The following RBM23 variants were observed in gnomAD, a reference collection of about 807,000 sequenced individuals.
RBM23 encodes RNA binding motif protein 23.
RBM23 carries 53 observed loss-of-function variants against 56.2 expected under a neutral mutation model. That is an observed-to-expected ratio of 0.94 (90% CI 0.76 to 1.19). The LOEUF (loss-of-function observed/expected upper bound fraction) is 1.19, where lower values mean the gene tolerates loss of function less well. Ranked by LOEUF, RBM23 falls within the 50% of genes most tolerant of loss-of-function variation. The probability of loss-of-function intolerance (pLI) is 0.00; values close to 1 mark genes in which losing one functional copy is unlikely to be tolerated. For missense variants in RBM23, 642 were observed against 590.3 expected (o/e 1.09, Z -0.91); for synonymous variants, 197 against 198.5 (o/e 0.99, Z 0.06).
intron 1 of RBM23, among the ~76,000 whole-genome samples, chr14:22,916,201 T>C (rs749377828): frequency 3.0e-4 from 46 of 152,146 alleles, no homozygotes; most frequent in African/African-American, 8.2e-4. Context: ...GTGCAGCAGA[T>C]TGAGATTCTG....
chr14:22,900,974 G>A lies in RBM23; in HGVS notation c.*756C>T, dbSNP rs1259910097. 1.3e-5 allele frequency: 2 copies of A among 152,128 alleles called. No individual in the cohort carries two copies. Among genetic ancestry groups the A allele is most frequent in the East Asian group, 3.8e-4 (2 of 5,202 alleles). The allele number at this position is 152,128 out of a possible 1,614,324, so 9.4% of individuals were successfully genotyped here. A position where few individuals can be genotyped will look rare whatever the true frequency, so the allele number is the denominator to read the frequency against. The stretch of plus-strand genomic sequence containing the variant: ...TCCTCCTACCTCGGGCCAAAGGGAG[G>A]AAATGGGAGGAAGGACAAGTATACA... On this transcript the variant is annotated 3_prime_UTR_variant, in exon 14 of 14. Coordinates refer to ENST00000359890, the MANE Select transcript of RBM23 (RefSeq NM_001077351.2).
Position 22,901,384 on chromosome 14 carries a change from A to AC in RBM23, c.*345_*346insG. 2 of 232,336 alleles carry AC rather than the reference A, an allele frequency of 8.6e-6. No individual in the cohort carries two copies. The highest frequency in any genetic ancestry group is 1.4e-5 in the Non-Finnish European group (2 of 142,592). The allele number at this position is 232,336 out of a possible 1,614,324, so 14.4% of individuals were successfully genotyped here. A position where few individuals can be genotyped will look rare whatever the true frequency, so the allele number is the denominator to read the frequency against. The stretch of plus-strand genomic sequence containing the variant: ...AAGGAGAGAGGTCAGTTCCTTCAGT[A>AC]TGCCCTATGGCCTTCCCAATGGGGG... On this transcript the variant is annotated 3_prime_UTR_variant, in exon 14 of 14. Transcript: ENST00000359890.
chr14:22,914,983 T>G (rs2043231626), intron 1 of RBM23, among the ~76,000 whole-genome samples: 1 of 83,458 alleles, frequency 1.2e-5, no homozygotes, highest in Admixed American at 1.5e-4. Flanking sequence ...TAAGACTCCA[T>G]CTCAAAAAAA....
rs1319241465 is a variant in RBM23, at chr14:22,901,887, G to A, written c.1247-4C>T. ...AGGTTCAGGGCTGGACTCAGAGCTA[G>A]AACAAAGACAGGCAGAGTGAGTGAG... On this transcript the variant is annotated splice_region_variant and splice_polypyrimidine_tract_variant and intron_variant, in intron 12 of 13. Coordinates refer to ENST00000359890, the MANE Select transcript of RBM23 (RefSeq NM_001077351.2). 6.2e-7 allele frequency: 1 copy of A among 1,614,200 alleles called. No individual in the cohort carries two copies. The highest frequency in any genetic ancestry group is 1.7e-5 in the Admixed American group (1 of 60,022).
intron 1 of RBM23, among the ~76,000 whole-genome samples, chr14:22,918,791 G>A (rs2044049540): frequency 6.6e-6 from 1 of 152,306 alleles, no homozygotes; most frequent in Admixed American, 6.5e-5. Context: ...AGCCACGAGG[G>A]TGCCCAACTC....
chr14:22,905,574 A>G (rs377296768), intron 6 of RBM23, 32 bp downstream of exon 6: 3 of 1,605,310 alleles, frequency 1.9e-6, no homozygotes, highest in African/African-American at 2.7e-5. Context: ...CATACCTCAC[A>G]ATCCCTAAAA....
chr14:22,897,340 A>G lies in RBM23; in HGVS notation c.*4390T>C, dbSNP rs1378638384. On this transcript the variant is annotated 3_prime_UTR_variant, in exon 14 of 14. Coordinates refer to ENST00000359890, the MANE Select transcript of RBM23 (RefSeq NM_001077351.2). ...TAAAAGTAGAGTAAGATGACCCACA[A>G]GAGGACAAAGAATACTGAAAAGAGA... is the stretch of plus-strand genomic sequence containing the variant. 1 of 152,190 alleles carries G rather than the reference A, an allele frequency of 6.6e-6. No individual in the cohort carries two copies. The highest frequency in any genetic ancestry group is 2.4e-5 in the African/African-American group (1 of 41,446). 9.4% of individuals were successfully genotyped at this position (152,190 alleles called of 1,614,324 possible).
intron 1 of RBM23, chr14:22,913,885 A>C (rs2043014526): frequency 6.6e-6 from 1 of 151,724 alleles, no homozygotes; most frequent in African/African-American, 2.4e-5. Context: ...TTAGCCAAGC[A>C]TGGTGGCGCA....
rs1594206294 is a variant in RBM23 at position 22,901,855 on chromosome 14, G to A, written c.1275C>T (p.Ser425=). The A allele has an allele frequency of 6.2e-7, 1 of 1,614,192 alleles. No homozygotes were observed. Among genetic ancestry groups the A allele is most frequent in the East Asian group, 2.2e-5 (1 of 44,874 alleles). ...TALSPALNLA[S]QCFQLSSLFT... is the part of the protein sequence containing the mutation. ...AGAGGCTGGAGAGCTGGAAACACTGGGAGGCAAGGTTCAGGGCTGGACTCA... is the reference window on the plus strand; with the variant it reads ...AGAGGCTGGAGAGCTGGAAACACTGAGAGGCAAGGTTCAGGGCTGGACTCA... Residue 425 remains serine, a synonymous_variant, in exon 13 of 14, where the codon TCC becomes TCT. Transcript: ENST00000359890.
chr14:22,902,058 C>T lies in RBM23; in HGVS notation c.1168G>A (p.Ala390Thr), dbSNP rs754204069. The stretch of plus-strand genomic sequence containing the variant: ...AAGGCAGCAGCCTGGGCGGCGGCGG[C>T]AGCAGCAGCAGCAGCAGTGCTTGGC... ...QLPSTAAAAA[A>T]AAAQAAALQL... Residue 390 changes from alanine to threonine, a missense_variant, in exon 12 of 14, where the codon GCC (alanine) becomes ACC (threonine). Coordinates refer to ENST00000359890, the MANE Select transcript of RBM23 (RefSeq NM_001077351.2). 7 of 1,529,328 alleles carry T rather than the reference C, an allele frequency of 4.6e-6. No individual in the cohort carries two copies. The highest frequency in any genetic ancestry group is 5.4e-6 in the Non-Finnish European group (6 of 1,109,480). 94.7% of individuals were successfully genotyped at this position (1,529,328 alleles called of 1,614,324 possible). A position where few individuals can be genotyped will look rare whatever the true frequency, so the allele number is the denominator to read the frequency against.
intron 1 of RBM23, among the ~76,000 whole-genome samples, chr14:22,912,827 C>G (rs552958030): frequency 6.6e-6 from 1 of 151,206 alleles, no homozygotes; most frequent in South Asian, 2.1e-4. Context: ...TGGTGAAACC[C>G]CGTCTCTACT....
intron 4 of RBM23, among the ~76,000 whole-genome samples, chr14:22,907,116 G>C (rs1195204497): frequency 6.6e-6 from 1 of 152,124 alleles, no homozygotes; most frequent in African/African-American, 2.4e-5. Flanking sequence ...GGAGGTTGCA[G>C]TGAGCCGACG....
At chr14:22,917,722 T>C in intron 1 of RBM23, 1 of 152,182 alleles carries the variant, frequency 6.6e-6, no homozygotes. Flanking sequence ...GGTTGGTAGT[T>C]TTCAAACGCT....
intron 3 of RBM23, 175 bp from the exon 4 acceptor site, chr14:22,908,555 G>A (rs1402997683): frequency 1.7e-6 from 1 of 586,230 alleles, no homozygotes; most frequent in East Asian, 3.5e-5. Context: ...ATCATGCCCA[G>A]CTAATTTTTT....
chr14:22,917,780 CAT>C (rs995195322), intron 1 of RBM23: 6 of 152,212 alleles, frequency 3.9e-5, no homozygotes, highest in African/African-American at 1.2e-4. Flanking sequence ...ATCTCATCCA[CAT>C]AGAGTATGTT....
At chr14:22,904,756 C>A (rs1156926576) in intron 9 of RBM23, 119 bp downstream of exon 9, 12 of 1,426,050 alleles carry the variant, frequency 8.4e-6, no homozygotes, top group Non-Finnish European at 1.1e-5. Context: ...GACTCATATG[C>A]CCACTATGAC....
At position 22,894,019 on chromosome 14, in the gene RBM23, T is replaced by C. The variant is rs1013619475; in HGVS notation, c.*7711A>G. On this transcript the variant is annotated 3_prime_UTR_variant, in exon 14 of 14. Coordinates refer to ENST00000359890, the MANE Select transcript of RBM23 (RefSeq NM_001077351.2). ...TCTGGTTTGCTGAACTCAGCTATGC[T>C]ATCCCAACTCTAAAATGAAGAATAC... The C allele has an allele frequency of 3.3e-5, 5 of 152,360 alleles. No individual in the cohort carries two copies. Among genetic ancestry groups the C allele is most frequent in the Non-Finnish European group, 5.9e-5 (4 of 68,042 alleles). 9.4% of individuals were successfully genotyped at this position (152,360 alleles called of 1,614,324 possible). A position where few individuals can be genotyped will look rare whatever the true frequency, so the allele number is the denominator to read the frequency against.
chr14:22,918,393 A>T (rs1226318139), intron 1 of RBM23, among the ~76,000 whole-genome samples: 1 of 98,950 alleles, frequency 1.0e-5, no homozygotes, highest in Non-Finnish European at 2.4e-5. Flanking sequence ...ACTCCGCCTT[A>T]AAAAAATAAA....
Position 22,901,635 on chromosome 14 carries a change from CT to C in RBM23, c.*94del. 1 of 1,533,626 alleles carries C rather than the reference CT, an allele frequency of 6.5e-7. No individual in the cohort carries two copies. Among genetic ancestry groups the C allele is most frequent in the Non-Finnish European group, 9.0e-7 (1 of 1,108,858 alleles). ...GACAATGTCCATGCCCTCAGGATGGCTTGGTCCACAAAATGGAGAAATGGGG... is the reference window on the plus strand; with the variant it reads ...GACAATGTCCATGCCCTCAGGATGGCTGGTCCACAAAATGGAGAAATGGGG... On this transcript the variant is annotated 3_prime_UTR_variant, in exon 14 of 14. Transcript: ENST00000359890.
Sources: allele counts gnomAD v4.1 joint callset (sites outside exome capture counted in the v4.1 genomes callset), GRCh38; gene constraint gnomAD v4.1.1; transcripts MANE v1.5; gene names NCBI Gene and HGNC (gene_info 2026-07-23, HGNC 2026-07-21).